GRM7: variants seen among roughly 807,000 people sequenced by gnomAD.
GRM7 encodes the protein glutamate metabotropic receptor 7.
GRM7 carries 35 observed loss-of-function variants against 84.5 expected under a neutral mutation model. That is an observed-to-expected ratio of 0.41 (90% confidence interval 0.32 to 0.55). The LOEUF (loss-of-function observed/expected upper bound fraction) is 0.55. Ranked by LOEUF, GRM7 falls within the 20% of genes least tolerant of loss-of-function variation. The probability of loss-of-function intolerance (pLI) is 0.19; values close to 1 mark genes in which losing one functional copy is unlikely to be tolerated. For missense variants in GRM7, 1,003 were observed against 1,194.6 expected (o/e 0.84, Z 2.36); for synonymous variants, 487 against 455.1 (o/e 1.07, Z -0.89).
At chr3:7,738,723 CTT>C (rs746436373) in intron 9 of GRM7, among the ~76,000 whole-genome samples, 7 of 131,660 alleles carry the variant, frequency 5.3e-5, no homozygotes, top group Admixed American at 7.5e-5. Context: ...TCTGGGTTTT[CTT>C]TTTTTTTTTT....
chr3:7,400,165 G>T (rs1425124838), intron 4 of GRM7, among the ~76,000 whole-genome samples: 1 of 152,146 alleles, frequency 6.6e-6, no homozygotes, highest in Admixed American at 6.6e-5. Context: ...CCCATCTGGT[G>T]AACCTGAGAC....
At chr3:7,352,212 CT>C in intron 4 of GRM7, among the ~76,000 whole-genome samples, 1 of 152,004 alleles carries the variant, frequency 6.6e-6, no homozygotes, top group African/African-American at 2.4e-5. Context: ...TTTTATAGTA[CT>C]GAGAGCACTG....
At chr3:7,038,814 C>T (rs554550725) in intron 1 of GRM7, among the ~76,000 whole-genome samples, 3 of 152,222 alleles carry the variant, frequency 2.0e-5, no homozygotes, top group Admixed American at 2.0e-4. Context: ...TTTCAAGGGG[C>T]TTGTAAACAA....
intron 1 of GRM7, among the ~76,000 whole-genome samples, chr3:7,142,372 T>A (rs556364243): frequency 6.6e-6 from 1 of 152,254 alleles, no homozygotes; most frequent in Non-Finnish European, 1.5e-5. Context: ...CAGTTCAGCA[T>A]GGCTGGGGAG....
chr3:7,709,537 C>A (rs559650971), intron 9 of GRM7, among the ~76,000 whole-genome samples: 1 of 152,200 alleles, frequency 6.6e-6, no homozygotes, highest in South Asian at 2.1e-4. Context: ...AGTGGAGCCT[C>A]AGAGAGTGAG....
intron 5 of GRM7, among the ~76,000 whole-genome samples, chr3:7,431,405 A>T (rs897688918): frequency 1.7e-4 from 26 of 152,136 alleles, no homozygotes; most frequent in African/African-American, 6.0e-4. Flanking sequence ...GTTCCTTCTT[A>T]GTGGGGGGAG....
chr3:7,285,986 C>G (rs1406160389), intron 2 of GRM7, among the ~76,000 whole-genome samples: 1 of 152,138 alleles, frequency 6.6e-6, no homozygotes, highest in Non-Finnish European at 1.5e-5. Flanking sequence ...CACTTTAAAT[C>G]TGGATGATTG....
At chr3:7,697,501 T>C (rs549191635) in intron 9 of GRM7, among the ~76,000 whole-genome samples, 2 of 152,326 alleles carry the variant, frequency 1.3e-5, no homozygotes, top group South Asian at 4.1e-4. Context: ...GTAATATTTT[T>C]GAACTAAAAA....
At chr3:7,522,559 G>A (rs1180306251) in intron 7 of GRM7, among the ~76,000 whole-genome samples, 3 of 152,146 alleles carry the variant, frequency 2.0e-5, no homozygotes, top group Middle Eastern at 6.8e-3. Flanking sequence ...CATATACTTG[G>A]CAGCCAGAAA....
At chr3:6,988,270 A>G (rs1694503369) in intron 1 of GRM7, among the ~76,000 whole-genome samples, 1 of 149,102 alleles carries the variant, frequency 6.7e-6, no homozygotes. Context: ...CGGCCTCCCA[A>G]AGTGCTGGGA....
chr3:7,662,932 G>A (rs1316609807), intron 8 of GRM7, among the ~76,000 whole-genome samples: 2 of 152,218 alleles, frequency 1.3e-5, no homozygotes, highest in African/African-American at 2.4e-5. Context: ...GTTCTGGGGA[G>A]AGGATGTGTC....
At chr3:7,186,736 T>C (rs1287118201) in intron 2 of GRM7, among the ~76,000 whole-genome samples, 1 of 152,200 alleles carries the variant, frequency 6.6e-6, no homozygotes, top group Non-Finnish European at 1.5e-5. Flanking sequence ...TCTGGTGTAA[T>C]TATAGTCTCC....
chr3:6,900,286 A>C (rs559381728), intron 1 of GRM7, among the ~76,000 whole-genome samples: 60 of 152,298 alleles, frequency 3.9e-4, no homozygotes, highest in Non-Finnish European at 5.7e-4. Flanking sequence ...GTTGCAGAAA[A>C]GCCACATCAC....
chr3:7,452,579 T>C (rs1697818201), intron 5 of GRM7, 28 bp from the exon 6 acceptor site: 1 of 1,339,300 alleles, frequency 7.5e-7, no homozygotes, highest in African/African-American at 1.4e-5. Flanking sequence ...TGTGTGTGTG[T>C]GTGTGTGTTT....
At chr3:7,077,321 C>A (rs1318131998) in intron 1 of GRM7, among the ~76,000 whole-genome samples, 1 of 152,118 alleles carries the variant, frequency 6.6e-6, no homozygotes, top group Non-Finnish European at 1.5e-5. Context: ...TTGGAACCAG[C>A]CCAAATGCTC....
chr3:7,708,764 G>A (rs937422378), intron 9 of GRM7, among the ~76,000 whole-genome samples: 10 of 152,056 alleles, frequency 6.6e-5, no homozygotes, highest in East Asian at 1.9e-4. Context: ...CCCAGCAGCC[G>A]GGTAGGATCC....
intron 1 of GRM7, among the ~76,000 whole-genome samples, chr3:7,119,866 G>A (rs536720419): frequency 3.0e-4 from 45 of 152,136 alleles, no homozygotes; most frequent in Non-Finnish European, 5.2e-4. Flanking sequence ...AATTATGGGC[G>A]CTTCTGATTT....
At chr3:7,475,032 C>G (rs1392580856) in intron 7 of GRM7, among the ~76,000 whole-genome samples, 1 of 152,152 alleles carries the variant, frequency 6.6e-6, no homozygotes. Flanking sequence ...AACTCCTCAA[C>G]AAATACACAA....
At chr3:7,094,643 A>G (rs1698790195) in intron 1 of GRM7, among the ~76,000 whole-genome samples, 2 of 152,186 alleles carry the variant, frequency 1.3e-5, no homozygotes, top group Admixed American at 1.3e-4. Context: ...TTTCATAGGC[A>G]ATAGAACTAT....
Sources: gnomAD v4.1 joint callset for allele counts (sites outside exome capture counted in the v4.1 genomes callset) on GRCh38, gnomAD v4.1.1 for gene constraint, MANE v1.5 for transcripts, NCBI Gene and HGNC (gene_info 2026-07-23, HGNC 2026-07-21) for gene names.